Variants in SEMA3A observed in about 807,000 individuals in gnomAD.
SEMA3A encodes semaphorin-3A.
Under a neutral mutation model 97.9 loss-of-function variants are expected in SEMA3A, and 29 were observed. The observed-to-expected ratio is 0.30, with a 90% CI of 0.22 to 0.40. SEMA3A has a LOEUF of 0.40. Ranked by LOEUF, SEMA3A falls within the 10% of genes least tolerant of loss-of-function variation. The pLI, the probability that SEMA3A is intolerant of heterozygous loss-of-function variation, is 1.00. For missense variants in SEMA3A, 763 were observed against 951.3 expected (o/e 0.80, Z 2.60); for synonymous variants, 321 against 323.7 (o/e 0.99, Z 0.09).
At chr7:84,175,062 G>C (rs1366541639) in intron 1 of SEMA3A, among the ~76,000 whole-genome samples, 2 of 151,948 alleles carry the variant, frequency 1.3e-5, no homozygotes, top group Non-Finnish European at 2.9e-5. Context: ...TCTTCCACTT[G>C]TCTGGAATCA....
At chr7:83,996,459 C>A (rs1034041592) in intron 12 of SEMA3A, among the ~76,000 whole-genome samples, 3 of 152,040 alleles carry the variant, frequency 2.0e-5, no homozygotes, top group Middle Eastern at 3.4e-3. Flanking sequence ...TGTGCCACCA[C>A]GCCAGGCTAA....
Position 84,234,953 on chromosome 7 carries a change from C to A in SEMA3A, c.-82-40285G>T, listed in dbSNP as rs112130346. Among the ~76,000 whole-genome samples the A allele has an allele frequency of 3.3e-5, 5 of 152,090 alleles. 1 individual carries two copies. The highest frequency in any genetic ancestry group is 1.2e-4 in the African/African-American group (5 of 41,526). Reference sequence around the variant, plus strand: ...AATTCTAACTAATATCAGTTAATATCCCCATGCTGTTTTCCTGCGTTTTTA... The same window carrying A: ...AATTCTAACTAATATCAGTTAATATACCCATGCTGTTTTCCTGCGTTTTTA... On this transcript the variant is annotated intron_variant, in intron 3 of 3. Transcript: ENST00000424555.
chr7:84,366,878 A>G (rs1557791), intron 2 of SEMA3A, among the ~76,000 whole-genome samples: 32,382 of 150,916 alleles, frequency 0.21, 3,591 homozygotes, highest in Admixed American at 0.27. Context: ...GTTATGCAGG[A>G]TTTTTTTTCT....
chr7:84,001,935 TGAAATTAAGCAG>T lies in SEMA3A; in HGVS notation c.1452+8_1452+19del. 1 of 1,563,772 alleles carries T rather than the reference TGAAATTAAGCAG, an allele frequency of 6.4e-7. No individual in the cohort carries two copies. The highest frequency in any genetic ancestry group is 8.8e-7 in the Non-Finnish European group (1 of 1,136,752). On this transcript the variant is annotated splice_region_variant and intron_variant, in intron 12 of 16. Transcript: ENST00000265362. ...ACGTACAACTGAACTTGTTGACACT[TGAAATTAAGCAG>T]CACTCACCCGAAAAACTGTCATTTC...
At chr7:84,243,949 C>T (rs944396806) in intron 3 of SEMA3A, among the ~76,000 whole-genome samples, 6 of 152,278 alleles carry the variant, frequency 3.9e-5, no homozygotes, top group Admixed American at 2.0e-4. Flanking sequence ...TTTGTTTACA[C>T]TGCGGTCTGA....
chr7:84,194,565 C>A lies in SEMA3A; in HGVS notation c.22G>T (p.Val8Phe), dbSNP rs2116278499. Residue 8 changes from valine to phenylalanine, a missense_variant, in exon 1 of 17, where the codon GTC becomes TTC. Val to Phe is a conservative substitution (Grantham distance 50, BLOSUM62 -1). Coordinates refer to ENST00000265362, the MANE Select transcript of SEMA3A (RefSeq NM_006080.3). MGWLTRI[V>F]CLFWGVLLTA... is the part of the protein sequence containing the mutation. ...AGTAATACTCCCCAGAAAAGACAGA[C>A]AATCCTAGTTAACCAGCCCATGCTG... is the stretch of plus-strand genomic sequence containing the variant. 6.2e-7 allele frequency: 1 copy of A among 1,612,360 alleles called. No individual in the cohort carries two copies. Among genetic ancestry groups the A allele is most frequent in the Admixed American group, 1.7e-5 (1 of 60,014 alleles).
chr7:83,965,818 C>A (rs895567002), intron 15 of SEMA3A, among the ~76,000 whole-genome samples: 3 of 148,582 alleles, frequency 2.0e-5, no homozygotes, highest in African/African-American at 7.4e-5. Context: ...GTAGCTGGGA[C>A]TACAGGTGCC....
In SEMA3A at chr7:84,237,815, C is replaced by T. The variant is rs201126317; in HGVS notation, c.-82-43147G>A. On this transcript the variant is annotated intron_variant, in intron 3 of 3. Coordinates refer to the SEMA3A transcript ENST00000424555. ...CTATAGTTAACATACTGTGCTGAGA[C>T]CCAGATGCAACCAATTAATAGAAAC... Among the ~76,000 whole-genome samples the T allele has an allele frequency of 2.6e-5, 4 of 152,128 alleles. No individual in the cohort carries two copies. In the East Asian group the frequency reaches 7.8e-4, roughly 30 times the overall value.
rs527572860 is a variant in SEMA3A at position 84,166,950 on chromosome 7, A to G, written c.112+27525T>C. On this transcript the variant is annotated intron_variant, in intron 1 of 16. Transcript: ENST00000265362. ...ATGTTGAATTAATAATGGACAATGT[A>G]TTCTATATAAATTTGTGCCTATTTT... Among the ~76,000 whole-genome samples the G allele has an allele frequency of 7.7e-5, 9 of 116,656 alleles. No individual in the cohort carries two copies. The South Asian group carries it at 2.3e-3, about 30-fold the overall frequency. The allele number at this position is 116,656 out of a possible 152,430, so 76.5% of individuals were successfully genotyped here.
rs752428221 is a variant in SEMA3A, at chr7:83,963,321, C to T, written c.1744G>A (p.Glu582Lys). 8 of 1,613,558 alleles carry T rather than the reference C, an allele frequency of 5.0e-6. No individual in the cohort carries two copies. The Admixed American group carries it at 1.0e-4, about 20-fold the overall frequency. Reference protein sequence around the residue: ...HDNHHGHSPEERIIYGVENSS... With the variant: ...HDNHHGHSPEKRIIYGVENSS... The stretch of plus-strand genomic sequence containing the variant: ...TTCTCTACACCATAGATGATTCTCT[C>T]TTCAGGGCTGTGGCCATGGTGATTA... The change falls in exon 16 of 17, where the codon GAG (glutamate) becomes AAG (lysine). Residue 582 changes from glutamate (E) to lysine (K), a missense_variant. Glu to Lys is a moderately conservative substitution (Grantham distance 56). Coordinates refer to ENST00000265362, the MANE Select transcript of SEMA3A (RefSeq NM_006080.3).
rs112728595 is a variant in SEMA3A, at chr7:84,283,929, A to T, written c.-83+23278T>A. ...TTTATTCCTTAAATTTTTTTCCTGGATACTGGACAATCAATTATTTAAGAT... is the reference window on the plus strand; with the variant it reads ...TTTATTCCTTAAATTTTTTTCCTGGTTACTGGACAATCAATTATTTAAGAT... On this transcript the variant is annotated intron_variant, in intron 3 of 3. Transcript: ENST00000424555. Among the ~76,000 whole-genome samples, 5 of 152,166 alleles carry T rather than the reference A, an allele frequency of 3.3e-5. 1 individual carries two copies. The highest frequency in any genetic ancestry group is 1.2e-4 in the African/African-American group (5 of 41,558).
intron 2 of SEMA3A, among the ~76,000 whole-genome samples, chr7:84,133,517 C>G (rs896944130): frequency 2.6e-5 from 4 of 152,108 alleles, no homozygotes; most frequent in African/African-American, 9.7e-5. Flanking sequence ...CATACCAGTT[C>G]AAAGCCCTCA....
chr7:84,487,883 G>A (rs1390672842), intron 1 of SEMA3A, among the ~76,000 whole-genome samples: 1 of 152,132 alleles, frequency 6.6e-6, no homozygotes, highest in African/African-American at 2.4e-5. Context: ...GGAAAAATGA[G>A]AATTAAAGGA....
intron 3 of SEMA3A, among the ~76,000 whole-genome samples, chr7:84,253,195 C>T (rs1424263138): frequency 6.6e-6 from 1 of 152,120 alleles, no homozygotes; most frequent in African/African-American, 2.4e-5. Flanking sequence ...TACTTAGAAT[C>T]ATGCTTTCTA....
intron 2 of SEMA3A, among the ~76,000 whole-genome samples, chr7:84,334,769 T>A (rs544968572): frequency 2.7e-5 from 4 of 150,628 alleles, no homozygotes; most frequent in African/African-American, 7.3e-5. Flanking sequence ...CTCCATCTTC[T>A]CTCTTGTTTT....
intron 12 of SEMA3A, among the ~76,000 whole-genome samples, chr7:83,996,744 G>A (rs1023252462): frequency 1.3e-5 from 2 of 152,070 alleles, no homozygotes; most frequent in African/African-American, 4.8e-5. Flanking sequence ...TTGAAGTTCA[G>A]GTTTATGATT....
chr7:84,244,189 G>T (rs1799429036), intron 3 of SEMA3A, among the ~76,000 whole-genome samples: 2 of 152,108 alleles, frequency 1.3e-5, no homozygotes, highest in Admixed American at 1.3e-4. Context: ...TGACAGTAGG[G>T]TGTTAAAGTC....
chr7:84,364,079 A>G (rs1433237994), intron 2 of SEMA3A, among the ~76,000 whole-genome samples: 1 of 146,104 alleles, frequency 6.8e-6, no homozygotes, highest in Admixed American at 7.0e-5. Flanking sequence ...CTTCATTAAC[A>G]TATGTATTGG....
intron 1 of SEMA3A, among the ~76,000 whole-genome samples, chr7:84,380,486 T>C (rs1562926756): frequency 6.6e-6 from 1 of 152,156 alleles, no homozygotes; most frequent in African/African-American, 2.4e-5. Context: ...TTTTCTGAAA[T>C]GGAATTTATG....
Sources: allele counts gnomAD v4.1 joint callset (sites outside exome capture counted in the v4.1 genomes callset), GRCh38; gene constraint gnomAD v4.1.1; transcripts MANE v1.5; gene names NCBI Gene and HGNC (gene_info 2026-07-23, HGNC 2026-07-21).